Variants in ZFHX3 observed in about 807,000 individuals in gnomAD.
ZFHX3 encodes the protein zinc finger homeobox protein 3.
ZFHX3 carries 42 observed loss-of-function variants against 279.1 expected under a neutral mutation model. The ratio of observed to expected loss-of-function variants is 0.15; its 90% CI spans 0.12 to 0.19. The LOEUF is 0.19. Among genes scored for constraint, ZFHX3 ranks in the 10% least tolerant of loss-of-function variants. The pLI is 1.00. For synonymous variants in ZFHX3, 2,293 were observed against 1,957.8 expected, an observed-to-expected ratio of 1.17 and a Z score of -4.52; for missense variants, 4,981 against 4,754.0, an observed-to-expected ratio of 1.05 and a Z score of -1.40.
chr16:73,147,713 A>G (rs956745215), intron 5 of ZFHX3, among the ~76,000 whole-genome samples: 156 of 149,394 alleles, frequency 1.0e-3, no homozygotes, highest in Non-Finnish European at 2.0e-3. Context: ...AAAAAAAAAA[A>G]AAAAAAATTA....
chr16:73,273,465 T>C (rs2014206756), intron 4 of ZFHX3, among the ~76,000 whole-genome samples: 1 of 152,186 alleles, frequency 6.6e-6, no homozygotes, highest in Non-Finnish European at 1.5e-5. Flanking sequence ...TCAGATGTAT[T>C]TTCCATGCAT....
chr16:72,951,514 G>A (rs1393441912), intron 2 of ZFHX3, among the ~76,000 whole-genome samples: 1 of 152,048 alleles, frequency 6.6e-6, no homozygotes, highest in Non-Finnish European at 1.5e-5. Context: ...CAACTGCCTC[G>A]GCCACCCAAA....
chr16:73,588,755 C>A (rs1047074292), intron 2 of ZFHX3, among the ~76,000 whole-genome samples: 2 of 150,124 alleles, frequency 1.3e-5, no homozygotes, highest in Non-Finnish European at 3.0e-5. Flanking sequence ...TAGTCAACAC[C>A]CCCAAGGACA....
chr16:73,206,514 C>A (rs1180516157), intron 5 of ZFHX3, among the ~76,000 whole-genome samples: 1 of 152,132 alleles, frequency 6.6e-6, no homozygotes, highest in Non-Finnish European at 1.5e-5. Context: ...CTTATCTAGG[C>A]CAGAGCTTGG....
chr16:73,558,418 A>C (rs2020318509), intron 2 of ZFHX3: 1 of 152,234 alleles, frequency 6.6e-6, no homozygotes, highest in Non-Finnish European at 1.5e-5. Context: ...TACCAGCACC[A>C]TGTGGTGGGA....
intron 2 of ZFHX3, among the ~76,000 whole-genome samples, chr16:73,556,322 G>A (rs199627461): frequency 6.6e-6 from 1 of 152,124 alleles, no homozygotes; most frequent in Non-Finnish European, 1.5e-5. Context: ...GAGTGGGGAG[G>A]GGGGTGGCGG....
At position 72,993,058 on chromosome 16, in the gene ZFHX3, C is replaced by T. The variant is rs558911857; in HGVS notation, c.-49-32864G>A. The stretch of plus-strand genomic sequence containing the variant: ...GGCTGAGGCAGGAGAATCGCTTGAA[C>T]CTGGGAGGTGGAGGCTGTGGTGAGC... On this transcript the variant is annotated intron_variant, in intron 1 of 9. Transcript: ENST00000268489. Among the ~76,000 whole-genome samples, 9 of 152,362 alleles carry T rather than the reference C, an allele frequency of 5.9e-5. No homozygotes were observed. In the South Asian group the frequency reaches 1.7e-3, roughly 28 times the overall value.
At chr16:73,679,367 T>C (rs1436384591) in intron 2 of ZFHX3, 1 of 152,146 alleles carries the variant, frequency 6.6e-6, no homozygotes, top group Non-Finnish European at 1.5e-5. Context: ...GAGAAAGATG[T>C]TTTTGCTAGA....
At chr16:73,008,349 T>A (rs1376430884) in intron 1 of ZFHX3, among the ~76,000 whole-genome samples, 2 of 152,200 alleles carry the variant, frequency 1.3e-5, no homozygotes, top group African/African-American at 2.4e-5. Flanking sequence ...TATTTTTAAA[T>A]TTTCAAGTAA....
At chr16:73,754,676 T>G (rs1188286237) in intron 1 of ZFHX3, among the ~76,000 whole-genome samples, 1 of 152,238 alleles carries the variant, frequency 6.6e-6, no homozygotes, top group Non-Finnish European at 1.5e-5. Context: ...CCGACTAGCC[T>G]TGGATTTATG....
chr16:73,560,519 G>C (rs2020353948), intron 2 of ZFHX3, among the ~76,000 whole-genome samples: 1 of 152,132 alleles, frequency 6.6e-6, no homozygotes, highest in Non-Finnish European at 1.5e-5. Flanking sequence ...CATCAAGTTG[G>C]TACTTCATAA....
intron 4 of ZFHX3, among the ~76,000 whole-genome samples, chr16:72,838,801 C>T (rs1455407667): frequency 6.6e-6 from 1 of 152,174 alleles, no homozygotes; most frequent in Non-Finnish European, 1.5e-5. Context: ...TGGGTTGCCC[C>T]CTGCAGAAAT....
chr16:73,812,297 C>T (rs957946440), intron 1 of ZFHX3, among the ~76,000 whole-genome samples: 3 of 152,218 alleles, frequency 2.0e-5, no homozygotes, highest in Admixed American at 6.5e-5. Flanking sequence ...CTCACTTCCG[C>T]TTTGGGTGTT....
chr16:73,763,622 C>G lies in ZFHX3; in HGVS notation c.-1607-83382G>C, dbSNP rs114707372. 6.6e-3 allele frequency among the ~76,000 whole-genome samples: 999 copies of G among 152,268 alleles called. 8 individuals carry two copies. The highest frequency in any genetic ancestry group is 0.022 in the African/African-American group (904 of 41,548). On this transcript the variant is annotated intron_variant, in intron 1 of 17. Coordinates refer to the ZFHX3 transcript ENST00000641206. ...TAGGTGACACTCAATGAGTCACACTCTCATATAACTCCCTCCTTTTGAATG... is the reference window on the plus strand; with the variant it reads ...TAGGTGACACTCAATGAGTCACACTGTCATATAACTCCCTCCTTTTGAATG...
intron 2 of ZFHX3, among the ~76,000 whole-genome samples, chr16:73,640,373 A>G (rs2052563057): frequency 6.6e-6 from 1 of 152,230 alleles, no homozygotes; most frequent in Non-Finnish European, 1.5e-5. Context: ...AAGTCAAATA[A>G]CGGAAGATAT....
At chr16:73,777,367 G>A (rs1038086874) in intron 1 of ZFHX3, among the ~76,000 whole-genome samples, 6 of 151,946 alleles carry the variant, frequency 3.9e-5, no homozygotes, top group African/African-American at 1.4e-4. Flanking sequence ...GCCAGGTGTG[G>A]TGGCGCGTGC....
Position 72,784,791 on chromosome 16 carries a change from A to AAAAAC in ZFHX3, c.*2368_*2372dup, listed in dbSNP as rs1298338244. On this transcript the variant is annotated 3_prime_UTR_variant, in exon 10 of 10. Transcript: ENST00000268489. ...TCTTTCTTTAGTATTTCTACTTAAA[A>AAAAAC]AAAACAATTAAAAAAGGAATTTGCA... The AAAAAC allele has an allele frequency of 6.6e-6, 1 of 152,570 alleles. No homozygotes were observed. Among genetic ancestry groups the AAAAAC allele is most frequent in the Admixed American group, 6.5e-5 (1 of 15,276 alleles). 9.5% of individuals were successfully genotyped at this position (152,570 alleles called of 1,614,324 possible).
intron 5 of ZFHX3, among the ~76,000 whole-genome samples, chr16:73,204,277 T>C (rs1036268015): frequency 1.3e-5 from 2 of 150,390 alleles, no homozygotes; most frequent in Admixed American, 1.3e-4. Context: ...TAGAAATTAT[T>C]ATTTCTATTA....
intron 2 of ZFHX3, among the ~76,000 whole-genome samples, chr16:72,956,368 C>T (rs763345665): frequency 7.9e-5 from 12 of 152,160 alleles, no homozygotes; most frequent in South Asian, 2.1e-4. Context: ...CCATTAGCAG[C>T]GTCACGGGAT....
Sources: allele counts gnomAD v4.1 joint callset (sites outside exome capture counted in the v4.1 genomes callset), GRCh38; gene constraint gnomAD v4.1.1; transcripts MANE v1.5; gene names NCBI Gene and HGNC (gene_info 2026-07-23, HGNC 2026-07-21).